NECAB2: variants seen among roughly 807,000 people sequenced by gnomAD.
NECAB2 encodes the protein N-terminal EF-hand calcium-binding protein 2.
In NECAB2, 68 loss-of-function variants were observed where a neutral mutation model predicts 51.9. The observed-to-expected ratio is 1.31, with a 90% CI of 1.08 to 1.60. The LOEUF (loss-of-function observed/expected upper bound fraction) is 1.60, where lower values mean the gene tolerates loss of function less well. Among genes scored for constraint, NECAB2 ranks in the 40% most tolerant of loss-of-function variants. The pLI is 0.00. For missense variants in NECAB2, 854 were observed against 490.3 expected (o/e 1.74, Z -7.00); for synonymous variants, 329 against 203.5 (o/e 1.62, Z -5.25).
At chr16:83,967,318 C>G (rs1327056778), upstream of NECAB2, among the ~76,000 whole-genome samples, 1 of 143,840 alleles carries the variant, frequency 7.0e-6, no homozygotes, top group Non-Finnish European at 1.5e-5. Context: ...GGGCACCTGC[C>G]TGGCACCTAG....
At position 83,998,292 on chromosome 16, in the gene NECAB2, A is replaced by C; in HGVS notation, c.937A>C (p.Thr313Pro). 1 of 1,613,376 alleles carries C rather than the reference A, an allele frequency of 6.2e-7. No individual in the cohort carries two copies. Among genetic ancestry groups the C allele is most frequent in the Non-Finnish European group, 8.5e-7 (1 of 1,179,974 alleles). ...LDSLRQYLRG[T>P]TGVRNCFHIT... The stretch of plus-strand genomic sequence containing the variant: ...CTCTCTGCGCCAGTATCTGCGGGGG[A>C]CCACTGGCGTGAGGAACTGCTTCCA... The change falls in exon 10 of 13, where the codon ACC (threonine) becomes CCC (proline). Residue 313 changes from threonine (T) to proline (P), a missense_variant. Transcript: ENST00000305202.
At chr16:83,989,523 C>T (rs1434596212) in intron 5 of NECAB2, among the ~76,000 whole-genome samples, 2 of 152,174 alleles carry the variant, frequency 1.3e-5, no homozygotes, top group African/African-American at 4.8e-5. Context: ...TTGCCAGGGA[C>T]TGGGCAGAAA....
At chr16:83,984,665 AG>A (rs2084530198) in intron 5 of NECAB2, among the ~76,000 whole-genome samples, 1 of 152,132 alleles carries the variant, frequency 6.6e-6, no homozygotes, top group African/African-American at 2.4e-5. Context: ...TGGGAAGTCG[AG>A]GCTGCAGTGA....
chr16:83,997,766 T>G (rs915481911), intron 9 of NECAB2, among the ~76,000 whole-genome samples: 1 of 152,082 alleles, frequency 6.6e-6, no homozygotes, highest in African/African-American at 2.4e-5. Context: ...GTGCTGAGAT[T>G]ACAGGCGTGA....
chr16:83,988,216 C>T lies in NECAB2; in HGVS notation c.460-2278C>T, dbSNP rs1042223055. Reference sequence around the variant, plus strand: ...CCTTTTTTATTATGATTGCTTTATTCGGTCTGACTGTTGTGTTTTATTCTT... The same window carrying T: ...CCTTTTTTATTATGATTGCTTTATTTGGTCTGACTGTTGTGTTTTATTCTT... On this transcript the variant is annotated intron_variant, in intron 5 of 12. Transcript: ENST00000305202. Among the ~76,000 whole-genome samples the T allele has an allele frequency of 7.2e-5, 11 of 152,194 alleles. No individual in the cohort carries two copies. In the East Asian group the frequency reaches 1.7e-3, roughly 24 times the overall value.
rs73248883 is a variant in NECAB2 at position 84,000,834 on chromosome 16, A to G, written c.1040+33A>G. 0.044 allele frequency: 61,254 copies of G among 1,406,066 alleles called. 14,438 individuals carry two copies. In the African/African-American group the frequency reaches 0.63, roughly 14 times the overall value. The allele number at this position is 1,406,066 out of a possible 1,614,324, so 87.1% of individuals were successfully genotyped here. A position where few individuals can be genotyped will look rare whatever the true frequency, so the allele number is the denominator to read the frequency against. ...GCTGGGTCCCCACAGCAGGTGAGGG[A>G]GACAGAGGGAAGTGGGGGGGCTGTC... On this transcript the variant is annotated intron_variant, in intron 11 of 12. Transcript: ENST00000305202.
chr16:83,995,670 T>A (rs1406249008), intron 8 of NECAB2, among the ~76,000 whole-genome samples: 1 of 152,184 alleles, frequency 6.6e-6, no homozygotes, highest in Non-Finnish European at 1.5e-5. Flanking sequence ...ACACCCTTTG[T>A]AAAGGGTATT....
rs1406609157 is a variant in NECAB2, at chr16:83,997,326, C to T, written c.849+57C>T. 1.7e-5 allele frequency: 28 copies of T among 1,606,664 alleles called. No individual in the cohort carries two copies. In the East Asian group the frequency reaches 5.1e-4, roughly 29 times the overall value. On this transcript the variant is annotated intron_variant, in intron 9 of 12. Transcript: ENST00000305202. Reference sequence around the variant, plus strand: ...CACATCCCTACCCATGCCAGGACTGCCAAGATCCAAGTGGCTCAATGCCCC... The same window carrying T: ...CACATCCCTACCCATGCCAGGACTGTCAAGATCCAAGTGGCTCAATGCCCC...
chr16:83,969,059 A>AC (rs899734982), intron 1 of NECAB2, among the ~76,000 whole-genome samples: 12 of 131,028 alleles, frequency 9.2e-5, no homozygotes, highest in South Asian at 5.2e-4. Context: ...GGACCGGGAG[A>AC]CCCCCCTCCT....
chr16:83,980,180 T>C (rs1251587153), intron 3 of NECAB2, among the ~76,000 whole-genome samples: 4 of 152,194 alleles, frequency 2.6e-5, no homozygotes, highest in South Asian at 2.1e-4. Flanking sequence ...TAGCTCCTTA[T>C]CCAGACCATC....
At chr16:83,988,577 G>A (rs76762876) in intron 5 of NECAB2, among the ~76,000 whole-genome samples, 1 of 151,992 alleles carries the variant, frequency 6.6e-6, no homozygotes, top group South Asian at 2.1e-4. Flanking sequence ...TTGAGTGATC[G>A]CTGTTAGTTC....
intron 3 of NECAB2, 46 bp from the exon 4 acceptor site, chr16:83,980,793 C>G (rs752344977): frequency 1.3e-6 from 2 of 1,554,234 alleles, no homozygotes; most frequent in Non-Finnish European, 1.7e-6. Context: ...GGCCTGCTAA[C>G]CCCCTCTCTG....
chr16:83,965,914 G>A (rs200734774), upstream of NECAB2: 83 of 1,612,714 alleles, frequency 5.1e-5, no homozygotes, highest in East Asian at 2.9e-4. Flanking sequence ...CCATGGGGCC[G>A]CTGGCCGGGG....
At chr16:83,966,550 C>T (rs1003245777), upstream of NECAB2, among the ~76,000 whole-genome samples, 1 of 151,912 alleles carries the variant, frequency 6.6e-6, no homozygotes, top group African/African-American at 2.4e-5. Context: ...GTGGGAGTGG[C>T]GGGTGTGTGC....
In NECAB2 at chr16:83,992,014, G is replaced by A. The variant is rs8053551; in HGVS notation, c.596+1384G>A. Among the ~76,000 whole-genome samples the A allele has an allele frequency of 7.2e-3, 1,100 of 152,152 alleles. 18 individuals carry two copies. Among genetic ancestry groups the A allele is most frequent in the African/African-American group, 0.025 (1,027 of 41,496 alleles). Reference sequence around the variant, plus strand: ...GGCATATGGTTATAACTGCACTCTCGGCATCACATGCCGTAAGTGAAGTAA... The same window carrying A: ...GGCATATGGTTATAACTGCACTCTCAGCATCACATGCCGTAAGTGAAGTAA... On this transcript the variant is annotated intron_variant, in intron 6 of 12. Transcript: ENST00000305202.
At chr16:83,983,835 C>A (rs1357906315) in intron 5 of NECAB2, among the ~76,000 whole-genome samples, 2 of 152,132 alleles carry the variant, frequency 1.3e-5, no homozygotes, top group African/African-American at 4.8e-5. Context: ...GCTTCTCTAA[C>A]ATAGCATCAT....
chr16:83,972,139 T>G lies in NECAB2; in HGVS notation c.202-12T>G. 1 of 1,613,282 alleles carries G rather than the reference T, an allele frequency of 6.2e-7. No homozygotes were observed. The highest frequency in any genetic ancestry group is 8.5e-7 in the Non-Finnish European group (1 of 1,180,010). On this transcript the variant is annotated splice_polypyrimidine_tract_variant and intron_variant, in intron 1 of 12. Coordinates refer to ENST00000305202, the MANE Select transcript of NECAB2 (RefSeq NM_019065.3). ...CCTGGCCCAGGGCTGACTCCGCCTC[T>G]CTTTTCTGCAGATTTTCCGCCGTGC...
chr16:83,993,381 C>G (rs2084650946), intron 6 of NECAB2: 1 of 152,506 alleles, frequency 6.6e-6, no homozygotes, highest in Non-Finnish European at 1.5e-5. Flanking sequence ...AGGGGGAGAG[C>G]CTGGCGGAGT....
intron 3 of NECAB2, among the ~76,000 whole-genome samples, chr16:83,979,582 G>C (rs572291772): frequency 6.6e-6 from 1 of 152,284 alleles, no homozygotes; most frequent in South Asian, 2.1e-4. Context: ...TTTCTGAGCT[G>C]TTACTGCAGC....
Sources: gnomAD v4.1 joint callset for allele counts (sites outside exome capture counted in the v4.1 genomes callset) on GRCh38, gnomAD v4.1.1 for gene constraint, MANE v1.5 for transcripts, NCBI Gene and HGNC (gene_info 2026-07-23, HGNC 2026-07-21) for gene names.